The following IL15 variants were observed in gnomAD, a reference collection of about 807,000 sequenced individuals.
IL15 encodes interleukin 15, also known as interleukin-15.
Under a neutral mutation model 19.6 loss-of-function variants are expected in IL15, and 11 were observed. The ratio of observed to expected loss-of-function variants is 0.56; its 90% CI spans 0.35 to 0.93. IL15 has a LOEUF of 0.93. Ranked by LOEUF, IL15 falls within the 40% of genes least tolerant of loss-of-function variation. The probability of loss-of-function intolerance (pLI) is 0.01; values close to 1 mark genes in which losing one functional copy is unlikely to be tolerated. For missense variants in IL15, 197 were observed against 186.5 expected, an observed-to-expected ratio of 1.06 and a Z score of -0.33; for synonymous variants, 58 against 59.6, an observed-to-expected ratio of 0.97 and a Z score of 0.12.
chr4:141,716,747 T>C (rs1038479441), intron 2 of IL15: 4 of 152,310 alleles, frequency 2.6e-5, no homozygotes, highest in African/African-American at 9.6e-5. Flanking sequence ...AGCTGAAGAA[T>C]AGGCTGAGCC....
At chr4:141,728,369 A>G (rs1730339417) in intron 6 of IL15, among the ~76,000 whole-genome samples, 1 of 152,084 alleles carries the variant, frequency 6.6e-6, no homozygotes, top group South Asian at 2.1e-4. Context: ...CTGCAATCAT[A>G]TTTTCCATAA....
intron 1 of IL15, among the ~76,000 whole-genome samples, chr4:141,649,743 T>C (rs556754394): frequency 8.5e-5 from 13 of 152,146 alleles, no homozygotes; most frequent in Non-Finnish European, 1.5e-4. Context: ...GGAGCACGCT[T>C]GCTGCAATTA....
rs1391034582 is a variant in IL15 at position 141,732,853 on chromosome 4, A to C, written c.*5A>C. Reference sequence around the variant, plus strand: ...ATGTTCATCAACACTTCTTGATTGCAATTGATTCTTTTTAAAGTGTTTCTG... The same window carrying C: ...ATGTTCATCAACACTTCTTGATTGCCATTGATTCTTTTTAAAGTGTTTCTG... On this transcript the variant is annotated 3_prime_UTR_variant, in exon 8 of 8. Coordinates refer to ENST00000320650, the MANE Select transcript of IL15 (RefSeq NM_000585.5). The C allele has an allele frequency of 1.9e-6, 3 of 1,605,216 alleles. No individual in the cohort carries two copies. Among genetic ancestry groups the C allele is most frequent in the Non-Finnish European group, 2.5e-6 (3 of 1,177,608 alleles).
chr4:141,665,433 G>A lies in IL15; in HGVS notation c.-100+9126G>A, dbSNP rs112266931. ...CTAGTATTTATTTTAATATATACTA[G>A]GTCTAGTTCCTCTTTATTCCTTTTC... is the stretch of plus-strand genomic sequence containing the variant. On this transcript the variant is annotated intron_variant, in intron 2 of 7. Transcript: ENST00000320650. Among the ~76,000 whole-genome samples the A allele has an allele frequency of 1.2e-3, 177 of 152,020 alleles. 1 individual carries two copies. Among genetic ancestry groups the A allele is most frequent in the African/African-American group, 4.1e-3 (168 of 41,474 alleles).
At chr4:141,648,828 A>C (rs1727312866) in intron 1 of IL15, among the ~76,000 whole-genome samples, 1 of 152,072 alleles carries the variant, frequency 6.6e-6, no homozygotes, top group Admixed American at 6.6e-5. Flanking sequence ...GCAACTTATA[A>C]AGCATGGCTT....
intron 2 of IL15, among the ~76,000 whole-genome samples, chr4:141,707,073 A>G (rs1729540326): frequency 6.6e-6 from 1 of 152,098 alleles, no homozygotes; most frequent in Non-Finnish European, 1.5e-5. Context: ...TATCCCATGT[A>G]TTCTGTAGGC....
intron 1 of IL15, among the ~76,000 whole-genome samples, chr4:141,641,182 TC>T (rs1201280869): frequency 2.0e-5 from 3 of 152,234 alleles, no homozygotes; most frequent in African/African-American, 7.2e-5. Context: ...TTTTCTATTT[TC>T]CTGACTCATC....
chr4:141,669,018 C>T (rs75511819), intron 2 of IL15, among the ~76,000 whole-genome samples: 3,991 of 152,134 alleles, frequency 0.026, 172 homozygotes, highest in African/African-American at 0.09. Flanking sequence ...ATCTTAATGG[C>T]AATCTGTTAC....
intron 2 of IL15, among the ~76,000 whole-genome samples, chr4:141,689,762 G>T (rs1244532440): frequency 1.3e-5 from 2 of 152,222 alleles, no homozygotes; most frequent in Admixed American, 1.3e-4. Context: ...CTTCTCCAAG[G>T]CCCCACCAGA....
At chr4:141,692,134 A>G (rs980016944) in intron 2 of IL15, among the ~76,000 whole-genome samples, 1 of 152,262 alleles carries the variant, frequency 6.6e-6, no homozygotes, top group African/African-American at 2.4e-5. Context: ...CCTCTAAAGC[A>G]CGGCCCAAGC....
At chr4:141,641,285 CATT>C (rs1303114492) in intron 1 of IL15, among the ~76,000 whole-genome samples, 2 of 152,114 alleles carry the variant, frequency 1.3e-5, no homozygotes, top group Non-Finnish European at 2.9e-5. Context: ...AAAACACTAT[CATT>C]ATAAAATTAA....
intron 1 of IL15, 80 bp from the exon 2 acceptor site, chr4:141,656,106 G>T (rs1727585104): frequency 5.0e-6 from 2 of 396,288 alleles, no homozygotes; most frequent in South Asian, 2.7e-4. Context: ...CAGGTATGTA[G>T]GTAACCATAA....
At chr4:141,715,814 C>T (rs1454660204) in intron 2 of IL15, 1 of 152,082 alleles carries the variant, frequency 6.6e-6, no homozygotes, top group African/African-American at 2.4e-5. Context: ...TGTGATTAGA[C>T]AAGTTAATAA....
At chr4:141,679,193 A>C (rs1276759313) in intron 2 of IL15, among the ~76,000 whole-genome samples, 1 of 152,216 alleles carries the variant, frequency 6.6e-6, no homozygotes, top group Admixed American at 6.5e-5. Flanking sequence ...GTCACTAGAT[A>C]CAGCTGGACC....
At chr4:141,673,576 C>T (rs1728244593) in intron 2 of IL15, among the ~76,000 whole-genome samples, 2 of 152,094 alleles carry the variant, frequency 1.3e-5, no homozygotes, top group Non-Finnish European at 2.9e-5. Context: ...TCATATTGCC[C>T]CACTGTTCTC....
At chr4:141,730,781 A>G (rs1006838673) in intron 7 of IL15, among the ~76,000 whole-genome samples, 2 of 152,168 alleles carry the variant, frequency 1.3e-5, no homozygotes, top group Non-Finnish European at 2.9e-5. Flanking sequence ...AAAGCAAGGT[A>G]GAGAGAAAGC....
chr4:141,680,278 A>G (rs537832759), intron 2 of IL15, among the ~76,000 whole-genome samples: 4 of 152,280 alleles, frequency 2.6e-5, no homozygotes, highest in South Asian at 4.1e-4. Context: ...AGCTGGAGGG[A>G]AAGTGTGGCT....
chr4:141,658,293 C>G lies in IL15; in HGVS notation c.-100+1986C>G, dbSNP rs72946463. Among the ~76,000 whole-genome samples, 868 of 152,266 alleles carry G rather than the reference C, an allele frequency of 5.7e-3. 15 individuals are homozygous for G. The highest frequency in any genetic ancestry group is 0.019 in the African/African-American group (810 of 41,546). On this transcript the variant is annotated intron_variant, in intron 2 of 7. Transcript: ENST00000320650. ...TCCCCAGTCATGCTTCCTGTATAAC[C>G]TGCAGAACTGTGAGTCAATTAAACA... is the stretch of plus-strand genomic sequence containing the variant.
intron 5 of IL15, among the ~76,000 whole-genome samples, chr4:141,723,606 C>T (rs1317111246): frequency 6.6e-6 from 1 of 152,110 alleles, no homozygotes; most frequent in East Asian, 1.9e-4. Flanking sequence ...AAACCACCCA[C>T]CTTGTGGTAG....
Sources: allele counts gnomAD v4.1 joint callset (sites outside exome capture counted in the v4.1 genomes callset), GRCh38; gene constraint gnomAD v4.1.1; transcripts MANE v1.5; gene names NCBI Gene and HGNC (gene_info 2026-07-23, HGNC 2026-07-21).